ROR1: variants seen among roughly 807,000 people sequenced by gnomAD.
The protein encoded by ROR1 is ROR family WNT receptor 1, also known as inactive tyrosine-protein kinase transmembrane receptor ROR1.
Under a neutral mutation model 78.8 loss-of-function variants are expected in ROR1, and 19 were observed. The ratio of observed to expected loss-of-function variants is 0.24; its 90% confidence interval spans 0.17 to 0.35. ROR1 has a LOEUF of 0.35. Ranked by LOEUF, ROR1 falls within the 10% of genes least tolerant of loss-of-function variation. ROR1 has a pLI of 1.00. For synonymous variants in ROR1, 386 were observed against 433.6 expected (o/e 0.89, Z 1.36); for missense variants, 917 against 1,177.8 (o/e 0.78, Z 3.24).
Position 64,177,495 on chromosome 1 carries a change from G to GA in ROR1, c.1459dup (p.Ile487AsnfsTer3). The stretch of plus-strand genomic sequence containing the variant: ...GAAGAATTGGGTGAGTGTGCCTTTG[G>GA]AAAAATCTATAAAGGCCATCTCTAT... On this transcript the variant is annotated frameshift_variant, in exon 9 of 9. Coordinates refer to ENST00000371079, the MANE Select transcript of ROR1 (RefSeq NM_005012.4). LOFTEE classifies it high-confidence loss of function. The GA allele has an allele frequency of 6.2e-7, 1 of 1,614,076 alleles. No individual in the cohort carries two copies. The highest frequency in any genetic ancestry group is 1.3e-5 in the African/African-American group (1 of 74,994).
intron 1 of ROR1, among the ~76,000 whole-genome samples, chr1:63,776,585 C>T (rs975147377): frequency 2.0e-5 from 3 of 152,124 alleles, no homozygotes; most frequent in Non-Finnish European, 4.4e-5. Flanking sequence ...ATAACATAAC[C>T]AGTTATGTCA....
chr1:63,940,019 G>A (rs774286131), intron 1 of ROR1, among the ~76,000 whole-genome samples: 7 of 152,184 alleles, frequency 4.6e-5, no homozygotes, highest in African/African-American at 1.7e-4. Flanking sequence ...CCTGTATACA[G>A]GAGTGTCTGA....
At chr1:63,834,631 A>G (rs1389804536) in intron 1 of ROR1, among the ~76,000 whole-genome samples, 2 of 152,204 alleles carry the variant, frequency 1.3e-5, no homozygotes, top group Non-Finnish European at 2.9e-5. Flanking sequence ...TTTTTCCAAA[A>G]CCAAGAGTTA....
In ROR1 at chr1:63,979,419, T is replaced by C. The variant is rs1031478639; in HGVS notation, c.92-29886T>C. Reference sequence around the variant, plus strand: ...GGGACTAGGAACTAGGCTTGAAGGGTAAGGGGAGAGAATGATGCAATTGGA... The same window carrying C: ...GGGACTAGGAACTAGGCTTGAAGGGCAAGGGGAGAGAATGATGCAATTGGA... On this transcript the variant is annotated intron_variant, in intron 1 of 8. Transcript: ENST00000371079. 4.6e-5 allele frequency among the ~76,000 whole-genome samples: 7 copies of C among 151,320 alleles called. 1 individual carries two copies. The highest frequency in any genetic ancestry group is 7.4e-5 in the Non-Finnish European group (5 of 67,800).
At position 63,854,169 on chromosome 1, in the gene ROR1, AT is replaced by A. The variant is rs1047762418; in HGVS notation, c.91+79670del. Reference sequence around the variant, plus strand: ...CAGATCACCAACCTGATTCCAATGAATTTTTTTTTATTCACTGAGGCTTTAT... The same window carrying A: ...CAGATCACCAACCTGATTCCAATGAATTTTTTTTATTCACTGAGGCTTTAT... On this transcript the variant is annotated intron_variant, in intron 1 of 8. Coordinates refer to ENST00000371079, the MANE Select transcript of ROR1 (RefSeq NM_005012.4). 1.9e-4 allele frequency among the ~76,000 whole-genome samples: 29 copies of A among 152,032 alleles called. 1 individual carries two copies. The highest frequency in any genetic ancestry group is 1.0e-3 in the Admixed American group (16 of 15,268).
At position 64,159,160 on chromosome 1, in the gene ROR1, G is replaced by A; in HGVS notation, c.1354G>A (p.Glu452Lys). The stretch of plus-strand genomic sequence containing the variant: ...AAAACACGTCAGAGGTCAAAATGTA[G>A]AGATGTCAATGCTGAATGCATATAA... ...QPKHVRGQNV[E>K]MSMLNAYKPK... Residue 452 changes from glutamate to lysine, a missense_variant, in exon 8 of 9, where the codon GAG becomes AAG. Physicochemically the swap from Glu to Lys is moderately conservative, Grantham distance 56. This residue lies in a region of ROR1 where 835 missense variants were observed against 1,069.8 expected (regional missense o/e 0.78). Transcript: ENST00000371079. 1.2e-6 allele frequency: 2 copies of A among 1,614,094 alleles called. No homozygotes were observed. Among genetic ancestry groups the A allele is most frequent in the Non-Finnish European group, 1.7e-6 (2 of 1,179,940 alleles).
intron 1 of ROR1, among the ~76,000 whole-genome samples, chr1:63,951,092 G>T (rs1242721094): frequency 6.6e-6 from 1 of 152,186 alleles, no homozygotes; most frequent in South Asian, 2.1e-4. Flanking sequence ...GAAGTAGAAG[G>T]AGCTCTGCAA....
intron 1 of ROR1, among the ~76,000 whole-genome samples, chr1:63,939,774 C>T (rs370592364): frequency 1.3e-5 from 2 of 152,084 alleles, no homozygotes; most frequent in East Asian, 1.9e-4. Context: ...AATGTTGGCT[C>T]CATTTCTCCT....
chr1:63,789,591 G>A (rs917399594), intron 1 of ROR1, among the ~76,000 whole-genome samples: 35 of 151,768 alleles, frequency 2.3e-4, no homozygotes, highest in Non-Finnish European at 4.1e-4. Context: ...TAGAGTGGAG[G>A]AGAAGGAGGG....
intron 4 of ROR1, among the ~76,000 whole-genome samples, chr1:64,085,287 C>T (rs574264713): frequency 3.2e-4 from 48 of 152,258 alleles, no homozygotes; most frequent in African/African-American, 1.2e-3. Context: ...CGTTTTCCTA[C>T]AGGTGTTAAT....
intron 4 of ROR1, among the ~76,000 whole-genome samples, chr1:64,068,016 C>A (rs1196938116): frequency 6.6e-6 from 1 of 152,138 alleles, no homozygotes; most frequent in East Asian, 1.9e-4. Context: ...TTATTTATAT[C>A]AAATTCAAAG....
At chr1:63,855,960 G>A (rs1051365267) in intron 1 of ROR1, among the ~76,000 whole-genome samples, 2 of 151,990 alleles carry the variant, frequency 1.3e-5, no homozygotes, top group African/African-American at 4.8e-5. Context: ...CCCTGCTGAT[G>A]TAGCTCTTTT....
chr1:63,940,505 A>ATAGATAGG (rs1360689145), intron 1 of ROR1, among the ~76,000 whole-genome samples: 2 of 148,218 alleles, frequency 1.3e-5, no homozygotes, highest in Admixed American at 6.7e-5. Flanking sequence ...AGACAGATAG[A>ATAGATAGG]TAGATAGATA....
intron 4 of ROR1, among the ~76,000 whole-genome samples, chr1:64,116,157 G>A (rs1032704880): frequency 9.2e-5 from 14 of 152,158 alleles, no homozygotes; most frequent in Admixed American, 3.9e-4. Flanking sequence ...CCGTTCCACC[G>A]CACTTTCAAG....
chr1:63,810,438 T>C (rs954110472), intron 1 of ROR1, among the ~76,000 whole-genome samples: 2 of 152,210 alleles, frequency 1.3e-5, no homozygotes, highest in African/African-American at 4.8e-5. Context: ...TGTTGAGTTC[T>C]GGAGATGAAC....
At chr1:63,968,864 A>T (rs1323045869) in intron 1 of ROR1, among the ~76,000 whole-genome samples, 1 of 152,214 alleles carries the variant, frequency 6.6e-6, no homozygotes, top group Non-Finnish European at 1.5e-5. Context: ...TGTTCAACAC[A>T]GAGTTCAATG....
intron 1 of ROR1, among the ~76,000 whole-genome samples, chr1:63,801,101 T>C (rs1644794298): frequency 6.6e-6 from 1 of 151,980 alleles, no homozygotes; most frequent in Admixed American, 6.6e-5. Context: ...TTTATTATGA[T>C]AGGAGAAAAT....
intron 1 of ROR1, among the ~76,000 whole-genome samples, chr1:64,003,092 A>G (rs1646398535): frequency 6.6e-6 from 1 of 152,102 alleles, no homozygotes; most frequent in South Asian, 2.1e-4. Context: ...GAAGATAATA[A>G]AGGTACCTAC....
intron 7 of ROR1, among the ~76,000 whole-genome samples, chr1:64,149,845 A>G (rs925141321): frequency 2.0e-5 from 3 of 152,158 alleles, no homozygotes; most frequent in Admixed American, 6.5e-5. Context: ...GTAGCCCTTT[A>G]TCATTGCTTT....
Sources: allele counts gnomAD v4.1 joint callset (sites outside exome capture counted in the v4.1 genomes callset), GRCh38; gene constraint gnomAD v4.1.1; regional missense constraint gnomAD v4.1.1; transcripts MANE v1.5; gene names NCBI Gene and HGNC (gene_info 2026-07-23, HGNC 2026-07-21).